Variants in CDH4 observed in about 807,000 individuals in gnomAD.
CDH4 encodes cadherin 4.
A neutral mutation model predicts 86.0 loss-of-function variants in CDH4; 33 were observed. The observed-to-expected ratio is 0.38, with a 90% CI of 0.29 to 0.51. CDH4 has a LOEUF of 0.51. CDH4 is among the 20% of genes least tolerant of loss of function. The pLI is 0.86. For missense variants in CDH4, 1,114 were observed against 1,307.4 expected (o/e 0.85, Z 2.28); for synonymous variants, 555 against 549.4 (o/e 1.01, Z -0.14).
chr20:61,596,269 G>A lies in CDH4; in HGVS notation c.170-147294G>A, dbSNP rs147107566. On this transcript the variant is annotated intron_variant, in intron 2 of 15. Transcript: ENST00000614565. ...GATGTAGCTATTGACAGGTGCACGCGCACTTCTGAAAGGCATCTTGGGTAG... is the reference window on the plus strand; with the variant it reads ...GATGTAGCTATTGACAGGTGCACGCACACTTCTGAAAGGCATCTTGGGTAG... Among the ~76,000 whole-genome samples, 23 of 152,366 alleles carry A rather than the reference G, an allele frequency of 1.5e-4. No homozygotes were observed. In the East Asian group the frequency reaches 3.9e-3, roughly 26 times the overall value.
intron 4 of CDH4, among the ~76,000 whole-genome samples, chr20:61,804,066 C>T (rs867633555): frequency 1.3e-5 from 2 of 152,372 alleles, no homozygotes; most frequent in African/African-American, 4.8e-5. Flanking sequence ...GCTCTCCACA[C>T]GAGCTTGTTG....
At chr20:61,337,533 A>ATG (rs879828205) in intron 2 of CDH4, among the ~76,000 whole-genome samples, 152,061 of 152,064 alleles carry the variant, frequency 1, 76,029 homozygotes, top group Middle Eastern at 1. Flanking sequence ...AGATGAGGGA[A>ATG]AGCATGGTCG....
chr20:61,929,327 AG>A (rs2055080065), intron 12 of CDH4, among the ~76,000 whole-genome samples: 1 of 152,154 alleles, frequency 6.6e-6, no homozygotes, highest in African/African-American at 2.4e-5. Context: ...TACTAGAGAC[AG>A]GGTTTTGCCA....
chr20:61,331,858 C>G (rs549616090), intron 2 of CDH4, among the ~76,000 whole-genome samples: 2 of 152,126 alleles, frequency 1.3e-5, no homozygotes, highest in South Asian at 4.1e-4. Flanking sequence ...CCCTTGCCGC[C>G]GTCCTTGGTG....
chr20:61,291,720 G>A (rs913361125), intron 2 of CDH4, among the ~76,000 whole-genome samples: 2 of 152,026 alleles, frequency 1.3e-5, no homozygotes, highest in Non-Finnish European at 2.9e-5. Flanking sequence ...TTATGGCCTC[G>A]GAGACTCGGT....
intron 2 of CDH4, among the ~76,000 whole-genome samples, chr20:61,669,817 G>T (rs2087367008): frequency 6.6e-6 from 1 of 152,130 alleles, no homozygotes; most frequent in African/African-American, 2.4e-5. Context: ...TCCAGGATGG[G>T]ATGTGACATT....
chr20:61,926,795 C>T (rs559847575), intron 11 of CDH4, among the ~76,000 whole-genome samples: 1 of 152,234 alleles, frequency 6.6e-6, no homozygotes, highest in South Asian at 2.1e-4. Context: ...ATCACTTGAA[C>T]CTGGGAGGCA....
At chr20:61,524,551 C>A (rs1400948772) in intron 2 of CDH4, among the ~76,000 whole-genome samples, 1 of 151,730 alleles carries the variant, frequency 6.6e-6, no homozygotes, top group Non-Finnish European at 1.5e-5. Flanking sequence ...GTGCTGCAAT[C>A]TCAGCTCACT....
At chr20:61,589,702 A>G (rs2086503198) in intron 2 of CDH4, among the ~76,000 whole-genome samples, 1 of 151,952 alleles carries the variant, frequency 6.6e-6, no homozygotes, top group Non-Finnish European at 1.5e-5. Flanking sequence ...GGTGTGCTGC[A>G]CCCATTAACT....
At chr20:61,886,386 G>C (rs1158809234) in intron 7 of CDH4, among the ~76,000 whole-genome samples, 1 of 152,212 alleles carries the variant, frequency 6.6e-6, no homozygotes, top group African/African-American at 2.4e-5. Flanking sequence ...GCTATGGGGA[G>C]GTGAGCAAAA....
chr20:61,608,860 C>G (rs559178585), intron 2 of CDH4, among the ~76,000 whole-genome samples: 1 of 152,148 alleles, frequency 6.6e-6, no homozygotes, highest in African/African-American at 2.4e-5. Context: ...CAGCAGATGT[C>G]CACCTTCCGT....
At chr20:61,478,639 G>A (rs966310627) in intron 2 of CDH4, among the ~76,000 whole-genome samples, 12 of 152,212 alleles carry the variant, frequency 7.9e-5, no homozygotes, top group Non-Finnish European at 1.2e-4. Flanking sequence ...GGGAATATGT[G>A]TTGTGGTTCT....
chr20:61,500,990 CGT>C (rs2085696857), intron 2 of CDH4, among the ~76,000 whole-genome samples: 3 of 152,224 alleles, frequency 2.0e-5, no homozygotes, highest in Admixed American at 1.3e-4. Flanking sequence ...TCCTTGACAT[CGT>C]GTCATTCCTG....
At chr20:61,797,401 G>A (rs1979588851) in intron 4 of CDH4, among the ~76,000 whole-genome samples, 1 of 152,232 alleles carries the variant, frequency 6.6e-6, no homozygotes, top group Admixed American at 6.5e-5. Flanking sequence ...TGGCAGCTGA[G>A]CTGCACTTCC....
chr20:61,280,149 G>A (rs1470217870), intron 2 of CDH4, among the ~76,000 whole-genome samples: 1 of 152,110 alleles, frequency 6.6e-6, no homozygotes, highest in Non-Finnish European at 1.5e-5. Flanking sequence ...CAGGCTGGGT[G>A]GGGTGACCCT....
intron 2 of CDH4, among the ~76,000 whole-genome samples, chr20:61,698,734 A>G (rs2087741752): frequency 6.6e-6 from 1 of 152,192 alleles, no homozygotes; most frequent in African/African-American, 2.4e-5. Flanking sequence ...CCCACCCAGT[A>G]GACCCCCCCG....
At chr20:61,538,631 C>T (rs185621587) in intron 2 of CDH4, among the ~76,000 whole-genome samples, 47 of 152,304 alleles carry the variant, frequency 3.1e-4, no homozygotes, top group Admixed American at 9.8e-4. Context: ...GCCCCTCGTG[C>T]GTTCATGGGA....
At chr20:61,677,640 G>C (rs2087457326) in intron 2 of CDH4, among the ~76,000 whole-genome samples, 1 of 85,096 alleles carries the variant, frequency 1.2e-5, no homozygotes, top group African/African-American at 4.3e-5. Context: ...ATGACAAAAG[G>C]ATAAGTGGGT....
chr20:61,814,206 C>T (rs1278736821), intron 4 of CDH4, among the ~76,000 whole-genome samples: 1 of 152,226 alleles, frequency 6.6e-6, no homozygotes, highest in African/African-American at 2.4e-5. Flanking sequence ...GCAGTGAGGC[C>T]TGATGCCCCT....
Sources: allele counts gnomAD v4.1 joint callset (sites outside exome capture counted in the v4.1 genomes callset), GRCh38; gene constraint gnomAD v4.1.1; transcripts MANE v1.5; gene names NCBI Gene and HGNC (gene_info 2026-07-23, HGNC 2026-07-21).